ZNF385B: variants seen among roughly 807,000 people sequenced by gnomAD.
ZNF385B encodes the protein zinc finger protein 385B, also known as zinc finger protein 533.
A neutral mutation model predicts 39.2 loss-of-function variants in ZNF385B; 23 were observed. That is an observed-to-expected ratio of 0.59 (90% CI 0.42 to 0.83). The LOEUF (loss-of-function observed/expected upper bound fraction) is 0.83, where lower values mean the gene tolerates loss of function less well. Among genes scored for constraint, ZNF385B ranks in the 40% least tolerant of loss-of-function variants. The pLI, the probability that ZNF385B is intolerant of heterozygous loss-of-function variation, is 0.00. For synonymous variants in ZNF385B, 205 were observed against 222.6 expected, an observed-to-expected ratio of 0.92 and a Z score of 0.70; for missense variants, 552 against 598.9, an observed-to-expected ratio of 0.92 and a Z score of 0.82.
chr2:179,466,915 C>CAAAAAAAAAAAAAAAA (rs777679885), intron 6 of ZNF385B, among the ~76,000 whole-genome samples: 1 of 26,930 alleles, frequency 3.7e-5, no homozygotes, highest in Non-Finnish European at 6.2e-5. Flanking sequence ...GCAAGACTGT[C>CAAAAAAAAAAAAAAAA]AAAAAAAAAA....
chr2:179,855,638 C>T (rs1378371881), intron 1 of ZNF385B, among the ~76,000 whole-genome samples: 2 of 152,188 alleles, frequency 1.3e-5, no homozygotes, highest in Non-Finnish European at 2.9e-5. Flanking sequence ...TCATAAATTT[C>T]TTTTCAGACT....
chr2:179,608,521 C>T (rs1351113745), intron 3 of ZNF385B, among the ~76,000 whole-genome samples: 1 of 152,136 alleles, frequency 6.6e-6, no homozygotes, highest in African/African-American at 2.4e-5. Flanking sequence ...TTACAGCTTC[C>T]TTTTCTTCAT....
chr2:179,702,745 A>C (rs1299511220), intron 3 of ZNF385B, among the ~76,000 whole-genome samples: 1 of 152,242 alleles, frequency 6.6e-6, no homozygotes, highest in Admixed American at 6.5e-5. Context: ...AATATAGTTA[A>C]GATTGGTTAA....
intron 6 of ZNF385B, among the ~76,000 whole-genome samples, chr2:179,474,310 A>T (rs554784547): frequency 4.7e-4 from 72 of 152,148 alleles, no homozygotes; most frequent in African/African-American, 1.7e-3. Context: ...CCCGAGTGAG[A>T]CTCTGGCATT....
chr2:179,635,858 T>G (rs1337378992), intron 3 of ZNF385B, among the ~76,000 whole-genome samples: 2 of 152,200 alleles, frequency 1.3e-5, no homozygotes, highest in East Asian at 3.9e-4. Context: ...TTTTGATAGT[T>G]GGAACACATA....
chr2:179,540,020 A>G (rs2059815218), intron 4 of ZNF385B, among the ~76,000 whole-genome samples: 1 of 152,208 alleles, frequency 6.6e-6, no homozygotes, highest in African/African-American at 2.4e-5. Flanking sequence ...TTTTAACTAA[A>G]TACTCTTAAA....
chr2:179,820,050 C>T (rs1707311925), intron 1 of ZNF385B, among the ~76,000 whole-genome samples: 1 of 151,978 alleles, frequency 6.6e-6, no homozygotes, highest in Non-Finnish European at 1.5e-5. Context: ...TATGTATGTA[C>T]ATGAGAATAT....
At chr2:179,510,119 C>T (rs1414660811) in intron 5 of ZNF385B, among the ~76,000 whole-genome samples, 1 of 142,808 alleles carries the variant, frequency 7.0e-6, no homozygotes, top group East Asian at 2.2e-4. Context: ...TATAAATATG[C>T]TACAAGTGTA....
intron 3 of ZNF385B, among the ~76,000 whole-genome samples, chr2:179,654,966 A>G (rs1377620410): frequency 2.0e-5 from 3 of 152,134 alleles, no homozygotes; most frequent in Non-Finnish European, 4.4e-5. Flanking sequence ...ACAGAATCTG[A>G]GCCAATATAT....
intron 3 of ZNF385B, among the ~76,000 whole-genome samples, chr2:179,634,167 A>C (rs944345008): frequency 6.6e-6 from 1 of 152,186 alleles, no homozygotes; most frequent in Non-Finnish European, 1.5e-5. Flanking sequence ...TTCATGACTA[A>C]AACACCAAAA....
chr2:179,495,085 C>G (rs1249234947), intron 5 of ZNF385B, among the ~76,000 whole-genome samples: 2 of 152,120 alleles, frequency 1.3e-5, no homozygotes, highest in Non-Finnish European at 2.9e-5. Context: ...CAGGACTGGA[C>G]TCTTGGATAG....
chr2:179,575,710 T>C (rs3112976), intron 3 of ZNF385B, among the ~76,000 whole-genome samples: 78,492 of 151,958 alleles, frequency 0.52, 21,430 homozygotes, highest in East Asian at 0.9. Flanking sequence ...AGAATTAATA[T>C]AGTTCTCTCT....
intron 4 of ZNF385B, chr2:179,534,718 C>A (rs1031785373): frequency 1.3e-5 from 2 of 152,080 alleles, no homozygotes; most frequent in Non-Finnish European, 2.9e-5. Context: ...TTGTTCTCCC[C>A]TTTATTCTGG....
chr2:179,676,903 C>T (rs868837828), intron 3 of ZNF385B, among the ~76,000 whole-genome samples: 4 of 152,138 alleles, frequency 2.6e-5, no homozygotes, highest in African/African-American at 9.7e-5. Flanking sequence ...TAGAGAAATA[C>T]TCAGGGAGTA....
At chr2:179,789,900 A>G (rs1183258183) in intron 1 of ZNF385B, among the ~76,000 whole-genome samples, 2 of 152,200 alleles carry the variant, frequency 1.3e-5, no homozygotes, top group Non-Finnish European at 2.9e-5. Context: ...TGAACCAGTA[A>G]TGAGTATTAA....
chr2:179,640,169 C>T lies in ZNF385B; in HGVS notation c.299-95200G>A, dbSNP rs1278688489. Among the ~76,000 whole-genome samples, 6 of 152,166 alleles carry T rather than the reference C, an allele frequency of 3.9e-5. No individual in the cohort carries two copies. In the South Asian group the frequency reaches 6.2e-4, roughly 16 times the overall value. On this transcript the variant is annotated intron_variant, in intron 3 of 9. Coordinates refer to ENST00000410066, the MANE Select transcript of ZNF385B (RefSeq NM_152520.6). ...AAAGACCTGACCATTAAATGTAGAGCGTAATCCTGGATTGGATCCTAGGTT... is the reference window on the plus strand; with the variant it reads ...AAAGACCTGACCATTAAATGTAGAGTGTAATCCTGGATTGGATCCTAGGTT...
At chr2:179,609,528 C>A (rs549966421) in intron 3 of ZNF385B, among the ~76,000 whole-genome samples, 4 of 152,164 alleles carry the variant, frequency 2.6e-5, no homozygotes, top group Non-Finnish European at 5.9e-5. Context: ...AACAGTGGTG[C>A]AATAAACATG....
chr2:179,791,901 T>C (rs987176876), intron 1 of ZNF385B, among the ~76,000 whole-genome samples: 2 of 152,046 alleles, frequency 1.3e-5, no homozygotes, highest in Non-Finnish European at 2.9e-5. Flanking sequence ...AGATTACAGG[T>C]GCCTTGCCAC....
intron 3 of ZNF385B, among the ~76,000 whole-genome samples, chr2:179,551,173 C>T (rs1010649687): frequency 3.3e-5 from 5 of 151,740 alleles, no homozygotes; most frequent in Admixed American, 6.6e-5. Context: ...AATAGGGTGC[C>T]GCCCTATTTG....
Sources: gnomAD v4.1 joint callset for allele counts (sites outside exome capture counted in the v4.1 genomes callset) on GRCh38, gnomAD v4.1.1 for gene constraint, MANE v1.5 for transcripts, NCBI Gene and HGNC (gene_info 2026-07-23, HGNC 2026-07-21) for gene names.